Variants in CFAP54 observed in about 807,000 individuals in gnomAD.
The protein encoded by CFAP54 is cilia- and flagella-associated protein 54.
CFAP54 carries 290 observed loss-of-function variants against 370.4 expected under a neutral mutation model. The observed-to-expected ratio is 0.78, with a 90% CI of 0.71 to 0.86. The LOEUF is 0.86. CFAP54 is among the 40% of genes least tolerant of loss of function. CFAP54 has a pLI of 0.00. For synonymous variants in CFAP54, 1,206 were observed against 1,236.5 expected (o/e 0.98, Z 0.52); for missense variants, 3,399 against 3,528.7 (o/e 0.96, Z 0.93).
intron 16 of CFAP54, 114 bp from the exon 17 acceptor site, chr12:96,554,562 A>G (rs796331680): frequency 3.0e-5 from 35 of 1,173,300 alleles, no homozygotes; most frequent in African/African-American, 4.6e-5. Flanking sequence ...AGAAGTGAGC[A>G]GAATGTAATG....
chr12:96,684,622 G>T, intron 40 of CFAP54, 26 bp from the exon 41 acceptor site: 1 of 1,561,988 alleles, frequency 6.4e-7, no homozygotes, highest in African/African-American at 1.4e-5. Flanking sequence ...ACTGACATTT[G>T]TTCTTTTACT....
intron 12 of CFAP54, among the ~76,000 whole-genome samples, chr12:96,537,628 C>T (rs531529413): frequency 1.4e-4 from 22 of 152,232 alleles, no homozygotes; most frequent in African/African-American, 4.3e-4. Context: ...AGGTCTGAGC[C>T]GCTGCGCCTG....
intron 66 of CFAP54, among the ~76,000 whole-genome samples, chr12:96,831,917 A>T (rs895701096): frequency 2.0e-5 from 3 of 152,218 alleles, no homozygotes; most frequent in Non-Finnish European, 2.9e-5. Context: ...GTATAGACTT[A>T]CTGTGGTAAA....
rs181829518 is a variant in CFAP54 at position 96,585,366 on chromosome 12, G to T, written c.3076-4061G>T. Reference sequence around the variant, plus strand: ...AGAAGAGATAGGATTTCATCATGTTGTTTGAAAACGTTAGGGCTTTTACTC... The same window carrying T: ...AGAAGAGATAGGATTTCATCATGTTTTTTGAAAACGTTAGGGCTTTTACTC... On this transcript the variant is annotated intron_variant, in intron 22 of 67. Transcript: ENST00000524981. Among the ~76,000 whole-genome samples the T allele has an allele frequency of 3.3e-3, 496 of 152,114 alleles. 5 individuals carry two copies. The highest frequency in any genetic ancestry group is 0.011 in the African/African-American group (470 of 41,492).
chr12:96,798,172 A>T (rs993553408), intron 63 of CFAP54, among the ~76,000 whole-genome samples: 1 of 151,820 alleles, frequency 6.6e-6, no homozygotes, highest in African/African-American at 2.4e-5. Context: ...TTTGTTTTTT[A>T]AATTAATCTC....
At chr12:96,872,966 G>A (rs1268093090) in intron 67 of CFAP54, among the ~76,000 whole-genome samples, 3 of 152,178 alleles carry the variant, frequency 2.0e-5, no homozygotes, top group Non-Finnish European at 4.4e-5. Flanking sequence ...AAGAGAAAGA[G>A]AAGAAAAGAA....
intron 23 of CFAP54, among the ~76,000 whole-genome samples, chr12:96,590,645 T>C (rs538683872): frequency 6.6e-6 from 1 of 152,320 alleles, no homozygotes; most frequent in African/African-American, 2.4e-5. Context: ...AGAGGCATTT[T>C]AGAGGAGGAA....
chr12:96,754,269 G>C (rs1024373697), intron 56 of CFAP54, among the ~76,000 whole-genome samples: 1 of 152,032 alleles, frequency 6.6e-6, no homozygotes, highest in Non-Finnish European at 1.5e-5. Flanking sequence ...AAACATTTTG[G>C]TTAATTTTTA....
At chr12:96,761,702 G>T (rs1314787238) in intron 58 of CFAP54, among the ~76,000 whole-genome samples, 1 of 152,018 alleles carries the variant, frequency 6.6e-6, no homozygotes, top group African/African-American at 2.4e-5. Flanking sequence ...TCATCTTTTT[G>T]TCCATGAATA....
chr12:96,767,353 C>G (rs556108443), intron 60 of CFAP54, among the ~76,000 whole-genome samples: 1 of 152,196 alleles, frequency 6.6e-6, no homozygotes, highest in Non-Finnish European at 1.5e-5. Context: ...ATGGCATCCT[C>G]TAAACAAAAC....
intron 66 of CFAP54, among the ~76,000 whole-genome samples, chr12:96,855,554 C>T (rs2136458354): frequency 6.6e-6 from 1 of 152,334 alleles, no homozygotes; most frequent in Admixed American, 6.5e-5. Context: ...GCTACAGGCC[C>T]CATGCAAGTC....
At chr12:96,768,603 G>A (rs972301684) in intron 60 of CFAP54, among the ~76,000 whole-genome samples, 4 of 151,940 alleles carry the variant, frequency 2.6e-5, no homozygotes, top group Admixed American at 6.6e-5. Flanking sequence ...GCAGTGAGCC[G>A]AGATCACGCC....
intron 59 of CFAP54, among the ~76,000 whole-genome samples, 164 bp from the exon 60 acceptor site, chr12:96,764,913 A>T (rs949346269): frequency 6.6e-6 from 1 of 152,226 alleles, no homozygotes; most frequent in Non-Finnish European, 1.5e-5. Flanking sequence ...TATATTCTAC[A>T]TATCAGGGAT....
intron 61 of CFAP54, among the ~76,000 whole-genome samples, chr12:96,785,326 C>A (rs1253127131): frequency 1.3e-5 from 2 of 150,668 alleles, no homozygotes; most frequent in African/African-American, 4.9e-5. Flanking sequence ...TTTTTTTAAT[C>A]ATTGGTGCTA....
intron 30 of CFAP54, among the ~76,000 whole-genome samples, chr12:96,628,802 C>T (rs949933367): frequency 5.3e-5 from 8 of 152,102 alleles, no homozygotes; most frequent in African/African-American, 1.9e-4. Flanking sequence ...GCTATCCAGG[C>T]TTACCCCGTC....
At chr12:96,680,754 C>A (rs1020851589) in intron 40 of CFAP54, among the ~76,000 whole-genome samples, 2 of 151,856 alleles carry the variant, frequency 1.3e-5, no homozygotes, top group African/African-American at 4.8e-5. Flanking sequence ...TCTCCATATC[C>A]TGTTTGGCTT....
chr12:96,540,983 T>C lies in CFAP54; in HGVS notation c.2073T>C (p.Ser691=), dbSNP rs763373989. 8 of 1,495,100 alleles carry C rather than the reference T, an allele frequency of 5.4e-6. No homozygotes were observed. The highest frequency in any genetic ancestry group is 1.8e-4 in the Middle Eastern group (1 of 5,698). 92.6% of individuals were successfully genotyped at this position (1,495,100 alleles called of 1,614,324 possible). The change falls in exon 14 of 68, where the codon TCT becomes TCC. Residue 691 remains serine, a synonymous_variant. Transcript: ENST00000524981. ...LGSPGRKFKQ[S]LDVPLREGTN... is the part of the protein sequence containing the mutation. ...GCCCAGGAAGAAAATTTAAACAATCTCTAGGTAAAATGTTGGCTGAAAAAT... is the reference window on the plus strand; with the variant it reads ...GCCCAGGAAGAAAATTTAAACAATCCCTAGGTAAAATGTTGGCTGAAAAAT...
At chr12:96,729,737 C>T (rs554961691) in intron 50 of CFAP54, among the ~76,000 whole-genome samples, 9 of 152,194 alleles carry the variant, frequency 5.9e-5, no homozygotes, top group East Asian at 1.9e-4. Flanking sequence ...GAGATGAACC[C>T]GGTACCTCAG....
At chr12:96,608,743 T>C (rs1356799222) in intron 26 of CFAP54, among the ~76,000 whole-genome samples, 1 of 151,868 alleles carries the variant, frequency 6.6e-6, no homozygotes, top group African/African-American at 2.4e-5. Context: ...ATTACAGGCG[T>C]GAGCCACCAC....
Sources: allele counts gnomAD v4.1 joint callset (sites outside exome capture counted in the v4.1 genomes callset), GRCh38; gene constraint gnomAD v4.1.1; transcripts MANE v1.5; gene names NCBI Gene and HGNC (gene_info 2026-07-23, HGNC 2026-07-21).